The following ARB2A variants were observed in gnomAD, a reference collection of about 807,000 sequenced individuals.
The protein encoded by ARB2A is ARB2 cotranscriptional regulator A, also known as cotranscriptional regulator ARB2A.
chr5:93,663,579 C>T, the ARB2A span, among the ~76,000 whole-genome samples: 22 of 152,236 alleles, frequency 1.4e-4, no homozygotes, highest in South Asian at 3.7e-3. Flanking sequence ...AAAAGGCTAT[C>T]GGATAGACTG....
At chr5:93,860,246 T>C in the ARB2A span, among the ~76,000 whole-genome samples, 8 of 152,098 alleles carry the variant, frequency 5.3e-5, no homozygotes, top group African/African-American at 1.9e-4. Flanking sequence ...TGAGCCAAGA[T>C]CGTGCCACTG....
chr5:93,793,506 A>C, the ARB2A span, among the ~76,000 whole-genome samples: 11 of 151,918 alleles, frequency 7.2e-5, no homozygotes, highest in Admixed American at 7.2e-4. Flanking sequence ...TGTAGCCTCC[A>C]TGAGGGCAAA....
the ARB2A span, among the ~76,000 whole-genome samples, chr5:93,908,422 A>G: frequency 6.6e-6 from 1 of 150,880 alleles, no homozygotes; most frequent in Non-Finnish European, 1.5e-5. Context: ...GTCTCATACA[A>G]AAGTATCTTG....
At chr5:94,025,068 T>C in the ARB2A span, among the ~76,000 whole-genome samples, 1 of 152,188 alleles carries the variant, frequency 6.6e-6, no homozygotes, top group African/African-American at 2.4e-5. Flanking sequence ...AAGATGCAAC[T>C]TTAAAACATA....
chr5:93,651,907 A>T, the ARB2A span, among the ~76,000 whole-genome samples: 35 of 152,310 alleles, frequency 2.3e-4, no homozygotes, highest in African/African-American at 8.4e-4. Context: ...CCAATCCTAA[A>T]TCCCTAGATC....
the ARB2A span, chr5:94,053,354 G>C: frequency 9.3e-6 from 5 of 538,700 alleles, no homozygotes; most frequent in African/African-American, 1.9e-5. Flanking sequence ...AACTGATAAT[G>C]CTACTAAATT....
the ARB2A span, among the ~76,000 whole-genome samples, chr5:93,721,317 G>A: frequency 5.3e-5 from 8 of 152,244 alleles, no homozygotes; most frequent in African/African-American, 1.7e-4. Context: ...ATAGTTAATC[G>A]TAAGATAGTA....
At chr5:93,985,035 C>T in the ARB2A span, among the ~76,000 whole-genome samples, 1 of 152,160 alleles carries the variant, frequency 6.6e-6, no homozygotes. Flanking sequence ...GTTTCTTATA[C>T]ATCCTTTTAA....
At chr5:93,965,155 G>A in the ARB2A span, among the ~76,000 whole-genome samples, 1 of 151,948 alleles carries the variant, frequency 6.6e-6, no homozygotes, top group East Asian at 1.9e-4. Context: ...GGATTATCTG[G>A]GTGATGTATG....
the ARB2A span, chr5:93,784,344 C>A: frequency 6.9e-7 from 1 of 1,449,688 alleles, no homozygotes; most frequent in Non-Finnish European, 9.7e-7. Context: ...TAAAGGCTCA[C>A]ACCCATTCAT....
chr5:93,636,380 G>A, the ARB2A span, among the ~76,000 whole-genome samples: 1 of 152,144 alleles, frequency 6.6e-6, no homozygotes, highest in East Asian at 1.9e-4. Flanking sequence ...CTCTAATGTG[G>A]TGGTATCTGG....
the ARB2A span, among the ~76,000 whole-genome samples, chr5:93,964,746 T>C: frequency 7.9e-5 from 12 of 152,062 alleles, no homozygotes; most frequent in African/African-American, 2.7e-4. Context: ...GAACAATTAA[T>C]ATACATTAAC....
chr5:93,634,293 G>GA, the ARB2A span, among the ~76,000 whole-genome samples: 15 of 152,008 alleles, frequency 9.9e-5, no homozygotes, highest in Admixed American at 3.3e-4. Flanking sequence ...CCAGCTACTT[G>GA]GGAGGCTGAG....
the ARB2A span, among the ~76,000 whole-genome samples, chr5:93,664,912 C>T: frequency 0.012 from 1,865 of 152,062 alleles, 45 homozygotes; most frequent in African/African-American, 0.042. Flanking sequence ...CTGCAACTTC[C>T]GCCTCCCAGG....
the ARB2A span, among the ~76,000 whole-genome samples, chr5:93,942,378 A>G: frequency 2.0e-5 from 3 of 152,138 alleles, no homozygotes; most frequent in Non-Finnish European, 4.4e-5. Context: ...ATTTTCTCTC[A>G]AAGTTTACTT....
chr5:94,094,887 AG>A, the ARB2A span, among the ~76,000 whole-genome samples: 8 of 152,352 alleles, frequency 5.3e-5, no homozygotes, highest in East Asian at 1.2e-3. Flanking sequence ...TTACAGGGAA[AG>A]GATATAGATT....
the ARB2A span, among the ~76,000 whole-genome samples, chr5:94,081,556 T>C: frequency 6.6e-6 from 1 of 152,194 alleles, no homozygotes; most frequent in African/African-American, 2.4e-5. Flanking sequence ...GAAAATATTA[T>C]GTGCTAATTA....
the ARB2A span, chr5:93,782,002 G>A: frequency 7.9e-6 from 7 of 891,594 alleles, no homozygotes; most frequent in Non-Finnish European, 8.1e-6. Flanking sequence ...GTTTCATCCT[G>A]AGAGTTTGGA....
the ARB2A span, among the ~76,000 whole-genome samples, chr5:93,621,479 T>G: frequency 8.5e-5 from 13 of 152,158 alleles, no homozygotes; most frequent in Admixed American, 7.8e-4. Flanking sequence ...CCCGGGGTCG[T>G]CCGAGGCGCG....
Sources: gnomAD v4.1 joint callset for allele counts (sites outside exome capture counted in the v4.1 genomes callset) on GRCh38, gnomAD v4.1.1 for gene constraint, MANE v1.5 for transcripts, NCBI Gene and HGNC (gene_info 2026-07-23, HGNC 2026-07-21) for gene names.